The following SAMD5 variants were observed in gnomAD, a reference collection of about 807,000 sequenced individuals.
SAMD5 encodes the protein sterile alpha motif domain-containing protein 5.
In SAMD5, 13 loss-of-function variants were observed where a neutral mutation model predicts 11.3. The observed-to-expected ratio is 1.15, with a 90% CI of 0.75 to 1.83. The LOEUF is 1.83. Among genes scored for constraint, SAMD5 ranks in the 40% most tolerant of loss-of-function variants. SAMD5 has a pLI of 0.00. For synonymous variants in SAMD5, 129 were observed against 111.3 expected (o/e 1.16, Z -1.00); for missense variants, 255 against 239.1 (o/e 1.07, Z -0.44).
chr6:147,669,545 A>G (rs1214401236), intron 1 of SAMD5, among the ~76,000 whole-genome samples: 1 of 148,616 alleles, frequency 6.7e-6, no homozygotes, highest in Non-Finnish European at 1.5e-5. Flanking sequence ...CTCCTGCCTC[A>G]GCCTCCCAAG....
At chr6:147,813,850 A>G in the SAMD5 span, among the ~76,000 whole-genome samples, 5 of 152,332 alleles carry the variant, frequency 3.3e-5, no homozygotes, top group East Asian at 3.9e-4. Context: ...ATCCATGTCT[A>G]TATTTTAATT....
intron 1 of SAMD5, among the ~76,000 whole-genome samples, chr6:147,636,972 C>A (rs991948579): frequency 1.3e-5 from 2 of 151,938 alleles, no homozygotes; most frequent in African/African-American, 2.4e-5. Flanking sequence ...AATCACTCAT[C>A]CAGGGCAATA....
At chr6:147,654,432 A>G (rs1790535798) in intron 1 of SAMD5, among the ~76,000 whole-genome samples, 1 of 152,174 alleles carries the variant, frequency 6.6e-6, no homozygotes, top group South Asian at 2.1e-4. Flanking sequence ...TTGGAAGTGA[A>G]GAAGAGAATG....
chr6:147,922,498 A>G, the SAMD5 span, among the ~76,000 whole-genome samples: 1 of 152,194 alleles, frequency 6.6e-6, no homozygotes, highest in African/African-American at 2.4e-5. Context: ...CTAAAAATCA[A>G]AAAGAATATA....
the SAMD5 span, among the ~76,000 whole-genome samples, chr6:147,849,874 T>C: frequency 6.6e-6 from 1 of 152,180 alleles, no homozygotes; most frequent in Non-Finnish European, 1.5e-5. Flanking sequence ...AACGTCTGCA[T>C]GCAGCTGTAT....
chr6:147,796,407 T>G, the SAMD5 span, among the ~76,000 whole-genome samples: 1 of 152,168 alleles, frequency 6.6e-6, no homozygotes, highest in Non-Finnish European at 1.5e-5. Flanking sequence ...GAGGGCTCTG[T>G]TCCGTTCCAT....
chr6:147,541,553 G>T (rs1788605039), intron 1 of SAMD5, among the ~76,000 whole-genome samples: 1 of 152,140 alleles, frequency 6.6e-6, no homozygotes, highest in Non-Finnish European at 1.5e-5. Context: ...AGAGCAGATA[G>T]TTACCCAGAG....
At chr6:147,688,416 A>T (rs1791048759) in intron 1 of SAMD5, among the ~76,000 whole-genome samples, 1 of 152,212 alleles carries the variant, frequency 6.6e-6, no homozygotes, top group Non-Finnish European at 1.5e-5. Flanking sequence ...CAAAATAGGC[A>T]TACTTTTATT....
intron 1 of SAMD5, among the ~76,000 whole-genome samples, chr6:147,511,423 A>G (rs888291844): frequency 6.6e-6 from 1 of 152,258 alleles, no homozygotes; most frequent in African/African-American, 2.4e-5. Flanking sequence ...GCCAAGTTGC[A>G]CTGCAATACT....
At chr6:147,857,858 T>C in the SAMD5 span, among the ~76,000 whole-genome samples, 3 of 152,254 alleles carry the variant, frequency 2.0e-5, no homozygotes, top group Non-Finnish European at 2.9e-5. Context: ...TGGATACCAC[T>C]GCCCTTACAG....
intron 1 of SAMD5, among the ~76,000 whole-genome samples, chr6:147,699,449 T>C (rs1351435552): frequency 6.6e-6 from 1 of 152,256 alleles, no homozygotes; most frequent in African/African-American, 2.4e-5. Context: ...TTCTTGAATA[T>C]AATTTAACAT....
intron 1 of SAMD5, among the ~76,000 whole-genome samples, chr6:147,579,462 T>TTTTC (rs1789264762): frequency 7.4e-6 from 1 of 135,660 alleles, no homozygotes; most frequent in African/African-American, 2.8e-5. Flanking sequence ...GAATTTTTTT[T>TTTTC]TTTTTTTTTT....
At chr6:147,615,138 A>C (rs1789846711) in intron 1 of SAMD5, among the ~76,000 whole-genome samples, 1 of 151,992 alleles carries the variant, frequency 6.6e-6, no homozygotes, top group Non-Finnish European at 1.5e-5. Flanking sequence ...AAGGGACTTG[A>C]GCATCTTGGA....
the SAMD5 span, among the ~76,000 whole-genome samples, chr6:147,897,618 A>G: frequency 1.3e-5 from 2 of 152,084 alleles, no homozygotes; most frequent in Admixed American, 6.6e-5. Context: ...GGGACCTTCA[A>G]TTCTTCTCTA....
At position 147,564,269 on chromosome 6, in the gene SAMD5, A is replaced by G. The variant is rs1459866806; in HGVS notation, c.460-125A>G. ...CAAAAACTCTTAGGGCTGTTCTTCA[A>G]AAGTCCATGTGGTAAGCAGAAAGGG... On this transcript the variant is annotated intron_variant, in intron 1 of 1. Transcript: ENST00000367474. The G allele has an allele frequency of 1.1e-4, 73 of 639,488 alleles. No individual in the cohort carries two copies. In the South Asian group the frequency reaches 1.3e-3, roughly 12 times the overall value. The allele number at this position is 639,488 out of a possible 1,614,324, so 39.6% of individuals were successfully genotyped here.
chr6:147,540,585 G>A (rs531604281), intron 1 of SAMD5, among the ~76,000 whole-genome samples: 2 of 152,074 alleles, frequency 1.3e-5, no homozygotes, highest in African/African-American at 4.8e-5. Context: ...CAAGCTTATG[G>A]GGGTCTTAAA....
At chr6:147,891,557 G>C in the SAMD5 span, among the ~76,000 whole-genome samples, 13 of 152,140 alleles carry the variant, frequency 8.5e-5, no homozygotes, top group African/African-American at 3.1e-4. Context: ...GATTAAATGT[G>C]TAAGAGAAGC....
At chr6:147,946,330 G>T in the SAMD5 span, among the ~76,000 whole-genome samples, 1 of 152,114 alleles carries the variant, frequency 6.6e-6, no homozygotes, top group African/African-American at 2.4e-5. Flanking sequence ...TGTTGTTTTT[G>T]TAAGTATCTG....
chr6:147,690,226 A>G (rs1324817179), intron 1 of SAMD5, among the ~76,000 whole-genome samples: 1 of 152,254 alleles, frequency 6.6e-6, no homozygotes, highest in African/African-American at 2.4e-5. Context: ...CAGTAACTAT[A>G]TTATACTCTG....
Sources: allele counts gnomAD v4.1 joint callset (sites outside exome capture counted in the v4.1 genomes callset), GRCh38; gene constraint gnomAD v4.1.1; transcripts MANE v1.5; gene names NCBI Gene and HGNC (gene_info 2026-07-23, HGNC 2026-07-21).